CDK14: variants seen among roughly 807,000 people sequenced by gnomAD.
CDK14 encodes the protein cyclin-dependent kinase 14.
Under a neutral mutation model 60.7 loss-of-function variants are expected in CDK14, and 34 were observed. The ratio of observed to expected loss-of-function variants is 0.56; its 90% CI spans 0.43 to 0.75. CDK14 has a LOEUF of 0.75. Ranked by LOEUF, CDK14 falls within the 30% of genes least tolerant of loss-of-function variation. The pLI is 0.00. For synonymous variants in CDK14, 197 were observed against 203.7 expected, an observed-to-expected ratio of 0.97 and a Z score of 0.28; for missense variants, 482 against 564.1, an observed-to-expected ratio of 0.85 and a Z score of 1.47.
intron 5 of CDK14, among the ~76,000 whole-genome samples, chr7:90,853,207 T>C (rs1447809947): frequency 6.6e-6 from 1 of 152,194 alleles, no homozygotes; most frequent in Admixed American, 6.6e-5. Context: ...ATTACGACCT[T>C]ATCAACAGTT....
At chr7:91,045,981 A>T (rs1797220773) in intron 11 of CDK14, 21 bp downstream of exon 11, 1 of 1,498,296 alleles carries the variant, frequency 6.7e-7, no homozygotes, top group African/African-American at 1.4e-5. Flanking sequence ...TTAATTACAG[A>T]TGACTAGGTG....
At chr7:90,771,861 C>T (rs1804795637) in intron 4 of CDK14, among the ~76,000 whole-genome samples, 1 of 152,226 alleles carries the variant, frequency 6.6e-6, no homozygotes, top group African/African-American at 2.4e-5. Flanking sequence ...TCGAGTTTCA[C>T]TGGGAACCCG....
chr7:90,973,433 A>C (rs752189820), intron 9 of CDK14, among the ~76,000 whole-genome samples: 1 of 152,116 alleles, frequency 6.6e-6, no homozygotes, highest in Non-Finnish European at 1.5e-5. Flanking sequence ...TTGCTAACAC[A>C]TGGATGCAAT....
In CDK14 at chr7:90,726,811, C is replaced by T. The variant is rs548218812; in HGVS notation, c.368C>T (p.Ser123Leu). Residue 123 changes from serine to leucine, a missense_variant and splice_region_variant, in exon 3 of 15, where the codon TCG (serine) becomes TTG (leucine). By Grantham distance (145) the Ser-to-Leu change is moderately radical (BLOSUM62 -2). Coordinates refer to ENST00000380050, the MANE Select transcript of CDK14 (RefSeq NM_001287135.2). Reference sequence around the variant, plus strand: ...GTTAGGCGGCACTCCAGCCCCAGCTCGGTAAGTGCAGTCTTTTTGTTTATC... The same window carrying T: ...GTTAGGCGGCACTCCAGCCCCAGCTTGGTAAGTGCAGTCTTTTTGTTTATC... ...PKVRRHSSPS[S>L]PTSPKFGKAD... The T allele has an allele frequency of 6.8e-6, 11 of 1,613,164 alleles. No individual in the cohort carries two copies. The highest frequency in any genetic ancestry group is 2.7e-5 in the African/African-American group (2 of 74,884).
chr7:90,876,253 C>CT (rs1293428917), intron 6 of CDK14, among the ~76,000 whole-genome samples: 1 of 152,196 alleles, frequency 6.6e-6, no homozygotes, highest in African/African-American at 2.4e-5. Flanking sequence ...TTCCAAACTC[C>CT]TGCCTGGCTG....
intron 14 of CDK14, among the ~76,000 whole-genome samples, chr7:91,152,780 T>A (rs1562973137): frequency 6.6e-6 from 1 of 152,172 alleles, no homozygotes; most frequent in East Asian, 1.9e-4. Context: ...GAAGAGCAAC[T>A]CAGGTTAGCA....
chr7:90,931,875 A>G (rs959541804), intron 8 of CDK14, among the ~76,000 whole-genome samples: 2 of 152,134 alleles, frequency 1.3e-5, no homozygotes, highest in Non-Finnish European at 2.9e-5. Context: ...ACAAGTTTTT[A>G]CTGCTTTGAC....
intron 9 of CDK14, among the ~76,000 whole-genome samples, chr7:90,959,112 T>G (rs1794522101): frequency 1.3e-5 from 2 of 152,140 alleles, no homozygotes; most frequent in Admixed American, 1.3e-4. Context: ...CAATTTGCTT[T>G]GAACAGAGAC....
intron 9 of CDK14, among the ~76,000 whole-genome samples, chr7:90,961,121 A>G (rs530036139): frequency 6.6e-6 from 1 of 152,282 alleles, no homozygotes; most frequent in Admixed American, 6.5e-5. Flanking sequence ...ACACTACATA[A>G]TCTCTTAAGA....
intron 4 of CDK14, among the ~76,000 whole-genome samples, chr7:90,765,068 G>A (rs1804498223): frequency 6.6e-6 from 1 of 152,174 alleles, no homozygotes; most frequent in Non-Finnish European, 1.5e-5. Flanking sequence ...AGCAAGAGAG[G>A]AACCAAGGGC....
At chr7:90,768,772 T>C (rs1804669013) in intron 4 of CDK14, among the ~76,000 whole-genome samples, 1 of 152,232 alleles carries the variant, frequency 6.6e-6, no homozygotes, top group South Asian at 2.1e-4. Context: ...TCTGGATTTT[T>C]AAAATCATGG....
intron 2 of CDK14, among the ~76,000 whole-genome samples, chr7:90,672,613 G>A (rs555801266): frequency 7.0e-5 from 10 of 142,934 alleles, no homozygotes; most frequent in African/African-American, 1.3e-4. Flanking sequence ...TCAAACTCCC[G>A]GGCTCAAGTG....
At chr7:90,906,898 G>A (rs2117379719) in intron 7 of CDK14, among the ~76,000 whole-genome samples, 1 of 152,150 alleles carries the variant, frequency 6.6e-6, no homozygotes, top group South Asian at 2.1e-4. Flanking sequence ...CCCTGGAATA[G>A]ACTCATTTTA....
At chr7:90,732,450 G>A (rs1054273058) in intron 3 of CDK14, among the ~76,000 whole-genome samples, 3 of 152,136 alleles carry the variant, frequency 2.0e-5, no homozygotes. Context: ...GTAGAATTCG[G>A]CTGTGAATCC....
At chr7:90,825,987 T>G (rs530552929) in intron 5 of CDK14, among the ~76,000 whole-genome samples, 1 of 152,342 alleles carries the variant, frequency 6.6e-6, no homozygotes, top group East Asian at 1.9e-4. Flanking sequence ...AAATTGCTTT[T>G]GCAATTATAG....
intron 2 of CDK14, among the ~76,000 whole-genome samples, chr7:90,662,350 GA>G (rs1800881486): frequency 6.6e-6 from 1 of 152,344 alleles, no homozygotes; most frequent in Admixed American, 6.5e-5. Context: ...CTGTGCCAGT[GA>G]AATACAAGTC....
intron 9 of CDK14, among the ~76,000 whole-genome samples, chr7:90,982,938 A>G (rs1239300992): frequency 2.0e-5 from 3 of 152,198 alleles, no homozygotes; most frequent in Non-Finnish European, 4.4e-5. Flanking sequence ...GCCAACAAAC[A>G]TACTAAAAAA....
chr7:90,764,455 C>T (rs949539310), intron 4 of CDK14, among the ~76,000 whole-genome samples: 2 of 152,152 alleles, frequency 1.3e-5, no homozygotes, highest in Non-Finnish European at 2.9e-5. Flanking sequence ...CAAATGCTCC[C>T]AGTCTATTTA....
At chr7:90,641,333 A>G (rs28951074) in intron 2 of CDK14, among the ~76,000 whole-genome samples, 1 of 152,294 alleles carries the variant, frequency 6.6e-6, no homozygotes, top group East Asian at 1.9e-4. Context: ...ACCAAAGGAC[A>G]GAGCAGCATT....
Sources: allele counts gnomAD v4.1 joint callset (sites outside exome capture counted in the v4.1 genomes callset), GRCh38; gene constraint gnomAD v4.1.1; transcripts MANE v1.5; gene names NCBI Gene and HGNC (gene_info 2026-07-23, HGNC 2026-07-21).